The following NPAS3 variants were observed in gnomAD, a reference collection of about 807,000 sequenced individuals.
The protein encoded by NPAS3 is neuronal PAS domain protein 3.
NPAS3 carries 14 observed loss-of-function variants against 73.1 expected under a neutral mutation model. The ratio of observed to expected loss-of-function variants is 0.19; its 90% confidence interval spans 0.13 to 0.30. NPAS3 has a LOEUF of 0.30. NPAS3 is among the 10% of genes least tolerant of loss of function. NPAS3 has a pLI of 1.00. For missense variants in NPAS3, 1,096 were observed against 1,250.0 expected (o/e 0.88, Z 1.86); for synonymous variants, 620 against 541.5 (o/e 1.14, Z -2.01).
chr14:33,412,533 A>G (rs2047975362), intron 4 of NPAS3, among the ~76,000 whole-genome samples: 1 of 152,174 alleles, frequency 6.6e-6, no homozygotes, highest in Non-Finnish European at 1.5e-5. Flanking sequence ...AATGATCCAA[A>G]TGGTTGTCAT....
At chr14:33,651,389 A>G (rs529441815) in intron 5 of NPAS3, among the ~76,000 whole-genome samples, 1 of 152,312 alleles carries the variant, frequency 6.6e-6, no homozygotes, top group African/African-American at 2.4e-5. Flanking sequence ...TTTCAAAGTT[A>G]AATCATTCTT....
At chr14:33,376,505 TC>T (rs1280586108) in intron 4 of NPAS3, among the ~76,000 whole-genome samples, 3 of 152,030 alleles carry the variant, frequency 2.0e-5, no homozygotes, top group Admixed American at 6.6e-5. Flanking sequence ...AAAATTTGAG[TC>T]CTTCGTTCAA....
Position 33,541,366 on chromosome 14 carries a change from C to A in NPAS3, c.469-18755C>A, listed in dbSNP as rs148091968. On this transcript the variant is annotated intron_variant, in intron 4 of 11. Transcript: ENST00000356141. ...TTTATTCATGATGCTAAATCATTTT[C>A]CCACACACTGTGTTCACCAACAGAG... Among the ~76,000 whole-genome samples, 442 of 152,290 alleles carry A rather than the reference C, an allele frequency of 2.9e-3. 3 individuals carry two copies. The highest frequency in any genetic ancestry group is 0.01 in the African/African-American group (420 of 41,572).
chr14:33,769,789 A>G (rs2062593075), intron 7 of NPAS3, among the ~76,000 whole-genome samples: 1 of 84,562 alleles, frequency 1.2e-5, no homozygotes, highest in South Asian at 3.8e-4. Flanking sequence ...TTTTGAGACA[A>G]GATCTTGCTC....
intron 4 of NPAS3, among the ~76,000 whole-genome samples, chr14:33,400,454 T>A (rs1038208724): frequency 3.3e-5 from 5 of 152,130 alleles, no homozygotes; most frequent in African/African-American, 1.2e-4. Context: ...ACTTTATGGG[T>A]TTCTTTAAAA....
chr14:33,580,581 G>A (rs920627941), intron 5 of NPAS3, among the ~76,000 whole-genome samples: 1 of 152,104 alleles, frequency 6.6e-6, no homozygotes, highest in East Asian at 1.9e-4. Flanking sequence ...TCCATCCCCC[G>A]GGGCAATGCA....
chr14:33,165,298 A>G (rs990542165), intron 2 of NPAS3, among the ~76,000 whole-genome samples: 1 of 151,322 alleles, frequency 6.6e-6, no homozygotes, highest in Non-Finnish European at 1.5e-5. Context: ...TGGTTGGACT[A>G]TGGTGTGTGA....
At chr14:33,120,444 CA>C (rs1401065941) in intron 2 of NPAS3, among the ~76,000 whole-genome samples, 1 of 152,108 alleles carries the variant, frequency 6.6e-6, no homozygotes, top group African/African-American at 2.4e-5. Context: ...TCATTCACTG[CA>C]AATGCTTAGC....
Position 32,995,639 on chromosome 14 carries a change from G to A in NPAS3, c.50+56273G>A, listed in dbSNP as rs149930161. 1.3e-4 allele frequency among the ~76,000 whole-genome samples: 20 copies of A among 152,310 alleles called. No homozygotes were observed. In the East Asian group the frequency reaches 2.3e-3, roughly 18 times the overall value. On this transcript the variant is annotated intron_variant, in intron 1 of 11. Transcript: ENST00000356141. ...CTTGTGATAGCAAATGAGTCTCACA[G>A]GATCTGATGGTTTTAAAAGTGGGAG... is the stretch of plus-strand genomic sequence containing the variant.
intron 1 of NPAS3, among the ~76,000 whole-genome samples, chr14:33,017,794 G>A (rs1051251345): frequency 7.2e-5 from 11 of 151,994 alleles, no homozygotes; most frequent in African/African-American, 1.9e-4. Flanking sequence ...TGTTTTATAT[G>A]TGAAAAAAAC....
chr14:32,979,918 G>A (rs2037831485), intron 1 of NPAS3, among the ~76,000 whole-genome samples: 1 of 152,076 alleles, frequency 6.6e-6, no homozygotes, highest in Admixed American at 6.5e-5. Context: ...CTACAAAACT[G>A]GGAGGTCACT....
intron 5 of NPAS3, among the ~76,000 whole-genome samples, chr14:33,565,181 A>T (rs1380750109): frequency 6.6e-6 from 1 of 152,010 alleles, no homozygotes; most frequent in African/African-American, 2.4e-5. Context: ...TAAATTTGGT[A>T]TTTTTTTTAA....
chr14:33,215,529 C>T, intron 3 of NPAS3, 103 bp downstream of exon 3: 1 of 1,276,378 alleles, frequency 7.8e-7, no homozygotes, highest in African/African-American at 1.5e-5. Flanking sequence ...ATATCAAATC[C>T]TTTAAAGGGA....
intron 7 of NPAS3, among the ~76,000 whole-genome samples, chr14:33,770,719 G>C (rs777040860): frequency 9.9e-5 from 15 of 152,172 alleles, no homozygotes; most frequent in Non-Finnish European, 1.6e-4. Context: ...GGCCAACATG[G>C]TAAAACCCAG....
intron 3 of NPAS3, among the ~76,000 whole-genome samples, chr14:33,305,840 T>C (rs370890626): frequency 1.3e-5 from 2 of 152,172 alleles, no homozygotes; most frequent in South Asian, 2.1e-4. Context: ...AAGTTAAAGT[T>C]GACACTATAA....
At chr14:33,538,009 G>T (rs979916753) in intron 4 of NPAS3, among the ~76,000 whole-genome samples, 17 of 151,934 alleles carry the variant, frequency 1.1e-4, no homozygotes, top group African/African-American at 4.1e-4. Flanking sequence ...CATAAGCTAA[G>T]CATCGGGTTG....
chr14:33,301,157 A>G (rs2042514590), intron 3 of NPAS3, among the ~76,000 whole-genome samples: 1 of 151,400 alleles, frequency 6.6e-6, no homozygotes, highest in Non-Finnish European at 1.5e-5. Context: ...GCCACTTCTC[A>G]ACATCCACCT....
intron 2 of NPAS3, among the ~76,000 whole-genome samples, chr14:33,090,741 T>G (rs916607405): frequency 2.6e-5 from 4 of 152,230 alleles, no homozygotes; most frequent in African/African-American, 9.6e-5. Context: ...TGACCACATA[T>G]TTGGAAGTAA....
intron 2 of NPAS3, among the ~76,000 whole-genome samples, chr14:33,056,580 C>T (rs1203122015): frequency 6.6e-6 from 1 of 152,180 alleles, no homozygotes; most frequent in Non-Finnish European, 1.5e-5. Context: ...TTGTCCATTA[C>T]TTAACAGAAT....
Sources: allele counts gnomAD v4.1 joint callset (sites outside exome capture counted in the v4.1 genomes callset), GRCh38; gene constraint gnomAD v4.1.1; transcripts MANE v1.5; gene names NCBI Gene and HGNC (gene_info 2026-07-23, HGNC 2026-07-21).